Variants in TLE2 observed in about 807,000 individuals in gnomAD.
The protein encoded by TLE2 is transducin-like enhancer protein 2.
Under a neutral mutation model 97.2 loss-of-function variants are expected in TLE2, and 74 were observed. The ratio of observed to expected loss-of-function variants is 0.76; its 90% CI spans 0.63 to 0.92. The LOEUF (loss-of-function observed/expected upper bound fraction) is 0.92, where lower values mean the gene tolerates loss of function less well. Among genes scored for constraint, TLE2 ranks in the 40% least tolerant of loss-of-function variants. TLE2 has a pLI of 0.00. For synonymous variants in TLE2, 499 were observed against 432.1 expected (o/e 1.15, Z -1.92); for missense variants, 1,038 against 1,008.7 (o/e 1.03, Z -0.39).
chr19:3,017,241 G>A (rs2145170498), intron 8 of TLE2, among the ~76,000 whole-genome samples: 1 of 151,600 alleles, frequency 6.6e-6, no homozygotes, highest in Admixed American at 6.6e-5. Flanking sequence ...AGGTCCAAGT[G>A]ATTCTCCTGC....
chr19:3,028,698 C>G lies in TLE2; in HGVS notation c.122+8G>C, dbSNP rs768677426. 6.2e-7 allele frequency: 1 copy of G among 1,612,722 alleles called. No homozygotes were observed. The highest frequency in any genetic ancestry group is 1.1e-5 in the South Asian group (1 of 91,080). ...AACTCCCGCGGCCCCTGGGGCGGCC[C>G]CCCTCACCTGTGGTATTGAGCCTGA... On this transcript the variant is annotated splice_region_variant and intron_variant, in intron 2 of 19. Transcript: ENST00000262953.
Position 3,006,579 on chromosome 19 carries a change from G to C in TLE2, c.1341C>G (p.His447Gln). The C allele has an allele frequency of 1.9e-6, 3 of 1,605,260 alleles. No individual in the cohort carries two copies. The highest frequency in any genetic ancestry group is 2.5e-6 in the Non-Finnish European group (3 of 1,176,912). ...DALVGAGIPR[H>Q]ARQLHTLAHG... ...GGGCCAGCGTGTGCAGCTGCCGGGC[G>C]TGCCGCGGGATGCCCGCGCCTACCA... is the stretch of plus-strand genomic sequence containing the variant. The change falls in exon 15 of 20, where the codon CAC (histidine) becomes CAG (glutamine). Residue 447 changes from histidine (H) to glutamine (Q), a missense_variant. Transcript: ENST00000262953.
intron 5 of TLE2, among the ~76,000 whole-genome samples, chr19:3,022,416 C>G (rs1369975050): frequency 6.6e-6 from 1 of 151,480 alleles, no homozygotes; most frequent in Admixed American, 6.6e-5. Flanking sequence ...GTAATCCCAA[C>G]TACTCGGGAG....
intron 11 of TLE2, among the ~76,000 whole-genome samples, chr19:3,012,073 C>T (rs942102741): frequency 6.6e-6 from 1 of 151,948 alleles, no homozygotes; most frequent in South Asian, 2.1e-4. Context: ...AGTGAAACCT[C>T]GTCTCTACTA....
chr19:3,026,171 G>A (rs1007511550), intron 4 of TLE2, among the ~76,000 whole-genome samples: 9 of 152,122 alleles, frequency 5.9e-5, no homozygotes, highest in African/African-American at 1.9e-4. Context: ...TATTGGCCGG[G>A]CAAGGTGGCT....
At chr19:3,022,475 G>T (rs1392677161) in intron 5 of TLE2, among the ~76,000 whole-genome samples, 2 of 151,294 alleles carry the variant, frequency 1.3e-5, no homozygotes, top group Non-Finnish European at 2.9e-5. Context: ...ATTGCAGTGA[G>T]CTGAGATCGT....
At chr19:3,015,585 G>A (rs2089684238) in intron 9 of TLE2, 68 bp downstream of exon 9, 1 of 1,289,090 alleles carries the variant, frequency 7.8e-7, no homozygotes, top group Non-Finnish European at 1.1e-6. Context: ...GGCTCTGGAA[G>A]GCTCTGAGGG....
At chr19:3,011,566 C>T (rs2089597740) in intron 11 of TLE2, among the ~76,000 whole-genome samples, 1 of 145,852 alleles carries the variant, frequency 6.9e-6, no homozygotes, top group Admixed American at 6.9e-5. Flanking sequence ...AAAACAACAA[C>T]AGGCCAGGCG....
At chr19:3,014,897 G>C (rs1337156140) in intron 9 of TLE2, among the ~76,000 whole-genome samples, 1 of 152,002 alleles carries the variant, frequency 6.6e-6, no homozygotes, top group African/African-American at 2.4e-5. Context: ...TCAGGCCTCA[G>C]TTTACCCCTC....
In TLE2 at chr19:3,028,311, G is replaced by A. The variant is rs1427359471; in HGVS notation, c.186+8C>T. On this transcript the variant is annotated splice_region_variant and intron_variant, in intron 3 of 19. Transcript: ENST00000262953. ...CTCCCCTCACCCTGGCATCATAAGT[G>A]CCCTCACCATGACATAATGTCGCTG... 2 of 1,605,770 alleles carry A rather than the reference G, an allele frequency of 1.2e-6. No homozygotes were observed. Among genetic ancestry groups the A allele is most frequent in the East Asian group, 4.5e-5 (2 of 44,728 alleles).
rs2089795129 is a variant in TLE2, at chr19:3,019,548, G to A, written c.370-85C>T. 1 of 1,486,854 alleles carries A rather than the reference G, an allele frequency of 6.7e-7. No homozygotes were observed. Among genetic ancestry groups the A allele is most frequent in the Admixed American group, 2.2e-5 (1 of 45,160 alleles). 92.1% of individuals were successfully genotyped at this position (1,486,854 alleles called of 1,614,324 possible). On this transcript the variant is annotated intron_variant, in intron 6 of 19. Transcript: ENST00000262953. This position sits in a 1 kb window ranked among gnomAD's most constrained non-coding sequence, Gnocchi z 5.1. ...AGCCCAAGAGGTAGACACAGGGGAT[G>A]GGACCTAAGCACAGCATGTGCCCCT...
At chr19:3,029,927 G>T (rs1303155383), upstream of TLE2, among the ~76,000 whole-genome samples, 1 of 152,134 alleles carries the variant, frequency 6.6e-6, no homozygotes, top group African/African-American at 2.4e-5. Flanking sequence ...TTCTCCAGTA[G>T]CTGGGACTAC....
intron 5 of TLE2, chr19:3,020,190 CG>C (rs1568244711): frequency 5.4e-6 from 1 of 185,804 alleles, no homozygotes; most frequent in East Asian, 1.5e-4. Context: ...GAGCCGAGAT[CG>C]TGCCAATGCA....
chr19:3,000,615 T>TG, intron 19 of TLE2, 32 bp downstream of exon 19: 1 of 1,558,076 alleles, frequency 6.4e-7, no homozygotes, highest in Non-Finnish European at 8.7e-7. Flanking sequence ...CACATGGCCC[T>TG]GCCAGAGTGG....
chr19:3,039,692 A>C (rs180695648), intron 1 of TLE2, among the ~76,000 whole-genome samples: 1 of 152,074 alleles, frequency 6.6e-6, no homozygotes, highest in Non-Finnish European at 1.5e-5. Context: ...TTATTGGGAG[A>C]GTAAGTGGAC....
chr19:3,037,135 A>T (rs902907489), intron 1 of TLE2, among the ~76,000 whole-genome samples: 5 of 152,108 alleles, frequency 3.3e-5, no homozygotes, highest in Non-Finnish European at 7.4e-5. Context: ...AAATACAAAA[A>T]TTAGCCGGAC....
chr19:3,009,391 C>G, intron 13 of TLE2, 151 bp downstream of exon 13: 1 of 936,532 alleles, frequency 1.1e-6, no homozygotes, highest in Non-Finnish European at 1.5e-6. Flanking sequence ...CTACTGAGAC[C>G]CCCAGATTGT....
At position 3,019,427 on chromosome 19, in the gene TLE2, C is replaced by T; in HGVS notation, c.406G>A (p.Val136Met). The T allele has an allele frequency of 6.5e-7, 1 of 1,535,974 alleles. No homozygotes were observed. Among genetic ancestry groups the T allele is most frequent in the Non-Finnish European group, 8.7e-7 (1 of 1,146,406 alleles). Residue 136 changes from valine to methionine, a missense_variant, in exon 7 of 20, where the codon GTG becomes ATG. Transcript: ENST00000262953. The surrounding 1 kb of genome is among the most constrained non-coding windows in gnomAD (Gnocchi z 5.1). ...LQPLSHHAPPVPLTPRPAGLV... is the reference protein window; with the variant it reads ...LQPLSHHAPPMPLTPRPAGLV... ...CCGGCTGGGCGGGGGGTGAGGGGCACAGGGGGTGCGTGGTGGGACAGCGGC... is the reference window on the plus strand; with the variant it reads ...CCGGCTGGGCGGGGGGTGAGGGGCATAGGGGGTGCGTGGTGGGACAGCGGC...
intron 1 of TLE2, among the ~76,000 whole-genome samples, chr19:3,036,348 C>T (rs1463713076): frequency 1.3e-5 from 2 of 152,256 alleles, no homozygotes; most frequent in African/African-American, 4.8e-5. Flanking sequence ...CGCTCTCCCG[C>T]CCGTCGCCTC....
Sources: allele counts gnomAD v4.1 joint callset (sites outside exome capture counted in the v4.1 genomes callset), GRCh38; gene constraint gnomAD v4.1.1; non-coding constraint Gnocchi (gnomAD v3.1); transcripts MANE v1.5; gene names NCBI Gene and HGNC (gene_info 2026-07-23, HGNC 2026-07-21).